Variants in FAM167A observed in about 807,000 individuals in gnomAD.
FAM167A encodes protein FAM167A.
A neutral mutation model predicts 14.9 loss-of-function variants in FAM167A; 23 were observed. The observed-to-expected ratio is 1.55, with a 90% confidence interval of 1.11 to 2.19. FAM167A has a LOEUF of 2.19. Among genes scored for constraint, FAM167A ranks in the 30% most tolerant of loss-of-function variants. The pLI, the probability that FAM167A is intolerant of heterozygous loss-of-function variation, is 0.00. For missense variants in FAM167A, 401 were observed against 281.5 expected, an observed-to-expected ratio of 1.42 and a Z score of -3.04; for synonymous variants, 174 against 117.7, an observed-to-expected ratio of 1.48 and a Z score of -3.10.
chr8:11,436,264 C>A (rs570366832), intron 2 of FAM167A, among the ~76,000 whole-genome samples: 19 of 152,316 alleles, frequency 1.2e-4, no homozygotes, highest in African/African-American at 4.6e-4. Flanking sequence ...CCTTAGCTTG[C>A]ACATGAGGAG....
At chr8:11,455,348 G>A (rs1807197956) in intron 1 of FAM167A, among the ~76,000 whole-genome samples, 1 of 145,832 alleles carries the variant, frequency 6.9e-6, no homozygotes, top group Admixed American at 6.9e-5. Flanking sequence ...TGCTGTGTAT[G>A]AGTGTGAGGA....
chr8:11,469,271 G>A (rs899149264), upstream of FAM167A, among the ~76,000 whole-genome samples: 12 of 152,340 alleles, frequency 7.9e-5, no homozygotes, highest in African/African-American at 2.9e-4. Flanking sequence ...GATTTAAAAT[G>A]TCTTCTGTAA....
chr8:11,470,667 A>G (rs1807931555), upstream of FAM167A, among the ~76,000 whole-genome samples: 1 of 152,164 alleles, frequency 6.6e-6, no homozygotes, highest in Non-Finnish European at 1.5e-5. Flanking sequence ...TTCTAGGGAT[A>G]CAAGAGAAGG....
At chr8:11,463,767 GAGA>G (rs1415860394) in intron 1 of FAM167A, among the ~76,000 whole-genome samples, 1 of 152,230 alleles carries the variant, frequency 6.6e-6, no homozygotes. Context: ...CCCCCAGTGG[GAGA>G]AGGTGAACCC....
chr8:11,426,663 G>A (rs1020029350), intron 2 of FAM167A, among the ~76,000 whole-genome samples: 6 of 152,176 alleles, frequency 3.9e-5, no homozygotes, highest in African/African-American at 1.4e-4. Context: ...AGTGGATACT[G>A]GGGGAAGAGG....
Position 11,429,257 on chromosome 8 carries a change from T to A in FAM167A, c.382-4621A>T, listed in dbSNP as rs1805404803. On this transcript the variant is annotated intron_variant, in intron 2 of 2. Coordinates refer to ENST00000284486, the MANE Select transcript of FAM167A (RefSeq NM_053279.3). The stretch of plus-strand genomic sequence containing the variant: ...TAATTTCACTTAGCATAATGTCCTC[T>A]GGTTTCTGATGGCTAAGAAGCTTTT... 2.6e-5 allele frequency among the ~76,000 whole-genome samples: 4 copies of A among 152,366 alleles called. No homozygotes were observed. In the South Asian group the frequency reaches 8.3e-4, roughly 32 times the overall value.
At chr8:11,426,033 C>G (rs1402848331) in intron 2 of FAM167A, among the ~76,000 whole-genome samples, 1 of 152,122 alleles carries the variant, frequency 6.6e-6, no homozygotes, top group African/African-American at 2.4e-5. Context: ...TCTATTTTCT[C>G]TAAAGGCTTC....
chr8:11,466,866 G>C (rs541489445), upstream of FAM167A: 1 of 152,132 alleles, frequency 6.6e-6, no homozygotes, highest in Non-Finnish European at 1.5e-5. Flanking sequence ...TCCCGGCCTC[G>C]CGTTCTCGCC....
At position 11,444,737 on chromosome 8, in the gene FAM167A, A is replaced by C; in HGVS notation, c.-326T>G. On this transcript the variant is annotated 5_prime_UTR_variant, in exon 2 of 3. Coordinates refer to ENST00000284486, the MANE Select transcript of FAM167A (RefSeq NM_053279.3). ...GCCAAGGTCTATCTGTCCTGAACGC[A>C]CTCGAAGACCAGACTGGCAGGAAGA... is the stretch of plus-strand genomic sequence containing the variant. 9.3e-7 allele frequency: 1 copy of C among 1,071,124 alleles called. No individual in the cohort carries two copies. The highest frequency in any genetic ancestry group is 1.1e-6 in the Non-Finnish European group (1 of 885,378). 66.4% of individuals were successfully genotyped at this position (1,071,124 alleles called of 1,614,324 possible).
chr8:11,472,500 C>T (rs1412365560), upstream of FAM167A, among the ~76,000 whole-genome samples: 1 of 136,246 alleles, frequency 7.3e-6, no homozygotes. Flanking sequence ...AGTGCAGTGG[C>T]GTGATCTCGG....
chr8:11,469,086 T>C (rs1465794299), upstream of FAM167A, among the ~76,000 whole-genome samples: 2 of 152,212 alleles, frequency 1.3e-5, no homozygotes, highest in African/African-American at 4.8e-5. Flanking sequence ...TATTTGATCA[T>C]ATAGAAAAAT....
intron 2 of FAM167A, among the ~76,000 whole-genome samples, chr8:11,432,152 T>C (rs1805649316): frequency 6.6e-6 from 1 of 152,196 alleles, no homozygotes; most frequent in Non-Finnish European, 1.5e-5. Context: ...CAAATACTCT[T>C]AGTTGCCAAT....
chr8:11,431,505 A>G (rs556191125), intron 2 of FAM167A, among the ~76,000 whole-genome samples: 1 of 152,372 alleles, frequency 6.6e-6, no homozygotes, highest in African/African-American at 2.4e-5. Flanking sequence ...AGTGAACTGT[A>G]CATATAAAAT....
intron 1 of FAM167A, among the ~76,000 whole-genome samples, chr8:11,455,124 G>C (rs980569860): frequency 1.3e-5 from 2 of 150,912 alleles, no homozygotes; most frequent in Admixed American, 6.6e-5. Flanking sequence ...TGGGTTGCTG[G>C]GATATGTGTG....
chr8:11,445,699 A>G, intron 1 of FAM167A: 12 of 818,764 alleles, frequency 1.5e-5, no homozygotes, highest in Non-Finnish European at 1.8e-5. Context: ...GTAAGAAGAG[A>G]CCGCAGCCTC....
chr8:11,450,333 G>A (rs560567333), intron 1 of FAM167A, among the ~76,000 whole-genome samples: 37 of 152,318 alleles, frequency 2.4e-4, no homozygotes, highest in African/African-American at 8.4e-4. Context: ...CACACCACAC[G>A]AGCTGTGGTG....
intron 2 of FAM167A, among the ~76,000 whole-genome samples, chr8:11,430,919 G>A (rs557410409): frequency 2.0e-5 from 3 of 152,168 alleles, no homozygotes; most frequent in Non-Finnish European, 4.4e-5. Context: ...GGATTTTCCT[G>A]GGGAGTCAGA....
intron 2 of FAM167A, chr8:11,438,683 A>T (rs1563370103): frequency 2.7e-6 from 1 of 376,652 alleles, no homozygotes; most frequent in African/African-American, 2.1e-5. Context: ...TCTTTTGTTT[A>T]TACATTCTTT....
chr8:11,473,374 A>G (rs1189980100), intron 1 of FAM167A, among the ~76,000 whole-genome samples: 1 of 152,144 alleles, frequency 6.6e-6, no homozygotes, highest in Non-Finnish European at 1.5e-5. Flanking sequence ...GAGTGAAACA[A>G]GGTGCTAAAA....
Sources: allele counts gnomAD v4.1 joint callset (sites outside exome capture counted in the v4.1 genomes callset), GRCh38; gene constraint gnomAD v4.1.1; transcripts MANE v1.5; gene names NCBI Gene and HGNC (gene_info 2026-07-23, HGNC 2026-07-21).